ST6GALNAC5: variants seen among roughly 807,000 people sequenced by gnomAD.
ST6GALNAC5 encodes ST6 N-acetylgalactosaminide alpha-2,6-sialyltransferase 5.
In ST6GALNAC5, 27 loss-of-function variants were observed where a neutral mutation model predicts 33.6. The ratio of observed to expected loss-of-function variants is 0.80; its 90% CI spans 0.59 to 1.11. ST6GALNAC5 has a LOEUF of 1.11. ST6GALNAC5 is among the 50% of genes least tolerant of loss of function. The pLI is 0.00. For missense variants in ST6GALNAC5, 428 were observed against 454.0 expected (o/e 0.94, Z 0.52); for synonymous variants, 194 against 171.2 (o/e 1.13, Z -1.04).
At position 77,067,154 on chromosome 1, in the gene ST6GALNAC5, G is replaced by A. The variant is rs1652805974; in HGVS notation, c.*3948G>A. On this transcript the variant is annotated 3_prime_UTR_variant, in exon 5 of 5. Transcript: ENST00000477717. ...ACGTCAAAGAGAACTATAATAATAA[G>A]CCCTGGGGGGCAGGATGTGTGAACC... 7.9e-6 allele frequency among the ~76,000 whole-genome samples: 1 copy of A among 125,880 alleles called. No individual in the cohort carries two copies. Among genetic ancestry groups the A allele is most frequent in the African/African-American group, 3.5e-5 (1 of 28,652 alleles). The allele number at this position is 125,880 out of a possible 152,430, so 82.6% of individuals were successfully genotyped here.
intron 2 of ST6GALNAC5, among the ~76,000 whole-genome samples, chr1:76,895,395 A>G (rs1301047225): frequency 2.0e-5 from 3 of 152,026 alleles, no homozygotes; most frequent in Admixed American, 6.6e-5. Flanking sequence ...AAGCTGAAGG[A>G]AGATTTTGTG....
chr1:76,930,261 T>A (rs929803158), intron 2 of ST6GALNAC5, among the ~76,000 whole-genome samples: 7 of 152,156 alleles, frequency 4.6e-5, no homozygotes, highest in Admixed American at 2.0e-4. Flanking sequence ...TGAGGATAGT[T>A]TATATGTCTA....
chr1:77,018,770 T>G (rs1650946883), intron 2 of ST6GALNAC5, among the ~76,000 whole-genome samples: 1 of 152,232 alleles, frequency 6.6e-6, no homozygotes, highest in South Asian at 2.1e-4. Context: ...ATAAGGGATG[T>G]CAGGTACATT....
At chr1:77,049,411 T>G (rs1456163058) in intron 3 of ST6GALNAC5, among the ~76,000 whole-genome samples, 1 of 152,102 alleles carries the variant, frequency 6.6e-6, no homozygotes, top group Non-Finnish European at 1.5e-5. Context: ...AGAATTGAAA[T>G]TAATATCCAC....
intron 2 of ST6GALNAC5, among the ~76,000 whole-genome samples, chr1:76,953,977 C>T (rs555231430): frequency 7.2e-5 from 11 of 152,118 alleles, no homozygotes; most frequent in African/African-American, 2.4e-4. Flanking sequence ...AATGCTTGTG[C>T]GTAACAACTA....
chr1:76,873,092 A>T (rs1158198071), intron 2 of ST6GALNAC5, among the ~76,000 whole-genome samples: 5 of 152,196 alleles, frequency 3.3e-5, no homozygotes, highest in African/African-American at 1.2e-4. Flanking sequence ...TCACTCTTAA[A>T]TTCCAGGCAT....
chr1:77,030,179 T>A (rs1453086511), intron 2 of ST6GALNAC5, among the ~76,000 whole-genome samples: 1 of 152,222 alleles, frequency 6.6e-6, no homozygotes, highest in Non-Finnish European at 1.5e-5. Context: ...TCATGTAGGT[T>A]TTCTTTTTTC....
intron 2 of ST6GALNAC5, among the ~76,000 whole-genome samples, chr1:76,880,533 G>A (rs761379828): frequency 6.6e-6 from 1 of 152,154 alleles, no homozygotes; most frequent in African/African-American, 2.4e-5. Context: ...CCACAAGCTT[G>A]AGGAACAAAA....
chr1:77,004,306 C>T (rs1361347030), intron 2 of ST6GALNAC5, among the ~76,000 whole-genome samples: 3 of 149,460 alleles, frequency 2.0e-5, no homozygotes, highest in Non-Finnish European at 4.5e-5. Context: ...CTTCTGCATT[C>T]TTCACGTAGT....
intron 2 of ST6GALNAC5, among the ~76,000 whole-genome samples, chr1:76,985,240 T>C (rs79022199): frequency 1.3e-3 from 199 of 152,328 alleles, no homozygotes; most frequent in African/African-American, 4.6e-3. Flanking sequence ...TTTTTGAAGA[T>C]GACATGATTG....
In ST6GALNAC5 at chr1:77,067,392, G is replaced by A. The variant is rs1333213818; in HGVS notation, c.*4186G>A. On this transcript the variant is annotated 3_prime_UTR_variant, in exon 5 of 5. Coordinates refer to ENST00000477717, the MANE Select transcript of ST6GALNAC5 (RefSeq NM_030965.3). ...TATATACTACCTTGAATTGTGCTTC[G>A]TCTTTTTATGCATGTGTCCTGTTAG... 3.9e-5 allele frequency among the ~76,000 whole-genome samples: 6 copies of A among 152,080 alleles called. No homozygotes were observed. The highest frequency in any genetic ancestry group is 1.9e-4 in the East Asian group (1 of 5,184).
intron 2 of ST6GALNAC5, among the ~76,000 whole-genome samples, chr1:76,939,165 A>G (rs1042118906): frequency 2.0e-5 from 3 of 151,984 alleles, no homozygotes; most frequent in African/African-American, 7.2e-5. Context: ...GCTTGGCATT[A>G]GCATTAGGAG....
At chr1:77,005,736 C>T (rs954195278) in intron 2 of ST6GALNAC5, among the ~76,000 whole-genome samples, 5 of 152,184 alleles carry the variant, frequency 3.3e-5, no homozygotes, top group Non-Finnish European at 5.9e-5. Context: ...TTGGTAACCA[C>T]TATTCTAGTT....
chr1:76,900,290 G>A (rs953816732), intron 2 of ST6GALNAC5, among the ~76,000 whole-genome samples: 1 of 152,046 alleles, frequency 6.6e-6, no homozygotes, highest in Non-Finnish European at 1.5e-5. Flanking sequence ...TTCTTTTGTG[G>A]TGGAATGTCA....
chr1:76,976,514 T>G (rs149569319), intron 2 of ST6GALNAC5, among the ~76,000 whole-genome samples: 1 of 152,276 alleles, frequency 6.6e-6, no homozygotes, highest in East Asian at 1.9e-4. Context: ...TCTTTAAAGA[T>G]TTAATAAAAG....
At chr1:77,050,502 C>A in intron 4 of ST6GALNAC5, 137 bp downstream of exon 4, 2 of 703,438 alleles carry the variant, frequency 2.8e-6, no homozygotes, top group Admixed American at 2.7e-5. Context: ...AGTTCTCATT[C>A]TAGAAACAAC....
chr1:76,913,644 C>G (rs61785572), intron 2 of ST6GALNAC5, among the ~76,000 whole-genome samples: 2,645 of 152,152 alleles, frequency 0.017, 32 homozygotes, highest in Middle Eastern at 0.054. Context: ...CTCTAAACTT[C>G]CCTTCTCGCT....
At chr1:76,912,534 T>C (rs1646925049) in intron 2 of ST6GALNAC5, among the ~76,000 whole-genome samples, 1 of 151,846 alleles carries the variant, frequency 6.6e-6, no homozygotes, top group African/African-American at 2.4e-5. Flanking sequence ...TGTTAAAGTC[T>C]CCCATTATTA....
At chr1:76,893,887 C>T (rs1654066674) in intron 2 of ST6GALNAC5, among the ~76,000 whole-genome samples, 1 of 152,138 alleles carries the variant, frequency 6.6e-6, no homozygotes, top group Non-Finnish European at 1.5e-5. Flanking sequence ...TCTTGAACTC[C>T]TGACCTCGTG....
Sources: allele counts gnomAD v4.1 joint callset (sites outside exome capture counted in the v4.1 genomes callset), GRCh38; gene constraint gnomAD v4.1.1; transcripts MANE v1.5; gene names NCBI Gene and HGNC (gene_info 2026-07-23, HGNC 2026-07-21).